The following TBCD variants were observed in gnomAD, a reference collection of about 807,000 sequenced individuals.
The protein encoded by TBCD is tubulin folding cofactor D, also known as tubulin-specific chaperone D.
In TBCD, 105 loss-of-function variants were observed where a neutral mutation model predicts 169.3. That is an observed-to-expected ratio of 0.62 (90% CI 0.53 to 0.73). The LOEUF (loss-of-function observed/expected upper bound fraction) is 0.73. Among genes scored for constraint, TBCD ranks in the 30% least tolerant of loss-of-function variants. The pLI is 0.00. For synonymous variants in TBCD, 700 were observed against 643.9 expected, an observed-to-expected ratio of 1.09 and a Z score of -1.32; for missense variants, 1,444 against 1,600.1, an observed-to-expected ratio of 0.90 and a Z score of 1.66.
At chr17:82,860,450 G>A (rs567185882) in intron 13 of TBCD, 13 of 985,418 alleles carry the variant, frequency 1.3e-5, no homozygotes, top group African/African-American at 7.0e-5. Context: ...AGGAACCACG[G>A]TGGGTTTCAT....
At chr17:82,766,079 C>A (rs991901111) in intron 3 of TBCD, among the ~76,000 whole-genome samples, 188 bp from the exon 4 acceptor site, 4 of 152,180 alleles carry the variant, frequency 2.6e-5, no homozygotes, top group African/African-American at 4.8e-5. Context: ...TGTGAGCCAT[C>A]GCTCTTGGCC....
In TBCD at chr17:82,874,993, C is replaced by T. The variant is rs563861642; in HGVS notation, c.1475+4613C>T. Among the ~76,000 whole-genome samples, 276 of 152,270 alleles carry T rather than the reference C, an allele frequency of 1.8e-3. 4 individuals carry two copies. The highest frequency in any genetic ancestry group is 2.6e-4 in the Non-Finnish European group (18 of 68,018). ...AATGGAAATGCCTGATCGAGCTGGG[C>T]GGTGGCAGCAGCCGCTCCTCACTCT... On this transcript the variant is annotated intron_variant, in intron 14 of 38. Transcript: ENST00000355528. The surrounding 1 kb of genome is among the most constrained non-coding windows in gnomAD (Gnocchi z 5.0).
At position 82,896,982 on chromosome 17, in the gene TBCD, C is replaced by T. The variant is rs374717582; in HGVS notation, c.1649+3350C>T. On this transcript the variant is annotated intron_variant, in intron 17 of 38. Transcript: ENST00000355528. ...TGGGGGTGTGGGAGCAGCTGACTAA[C>T]TCGTGTTCTAGTGACTGATGATGCA... Among the ~76,000 whole-genome samples the T allele has an allele frequency of 2.6e-5, 4 of 152,052 alleles. No individual in the cohort carries two copies. In the East Asian group the frequency reaches 7.7e-4, roughly 29 times the overall value.
intron 15 of TBCD, among the ~76,000 whole-genome samples, chr17:82,888,437 A>C (rs1275703057): frequency 6.6e-6 from 1 of 152,242 alleles, no homozygotes; most frequent in Non-Finnish European, 1.5e-5. Flanking sequence ...TCTTCCTAAT[A>C]GTGTATGTTA....
chr17:82,805,755 A>G (rs2050914459), intron 9 of TBCD, 120 bp from the exon 10 acceptor site: 1 of 1,238,248 alleles, frequency 8.1e-7, no homozygotes, highest in Non-Finnish European at 1.1e-6. Flanking sequence ...CGGTCTCTGC[A>G]AAGTGCATGG....
chr17:82,828,749 A>G (rs1020689234), intron 13 of TBCD, among the ~76,000 whole-genome samples: 1 of 130,292 alleles, frequency 7.7e-6, no homozygotes, highest in African/African-American at 2.6e-5. Flanking sequence ...ACACCCAGAG[A>G]TGCACACACA....
chr17:82,808,421 CGGGGGCAGT>C (rs2051149784), intron 11 of TBCD, among the ~76,000 whole-genome samples: 1 of 60,986 alleles, frequency 1.6e-5, no homozygotes, highest in African/African-American at 7.0e-5. Context: ...GAGGCAGGTG[CGGGGGCAGT>C]AGGTGTTGAG....
At chr17:82,792,361 A>G (rs991735037) in intron 7 of TBCD, among the ~76,000 whole-genome samples, 1 of 150,916 alleles carries the variant, frequency 6.6e-6, no homozygotes, top group Non-Finnish European at 1.5e-5. Flanking sequence ...ATGTGTGCAC[A>G]CACACACACA....
intron 13 of TBCD, among the ~76,000 whole-genome samples, chr17:82,823,922 C>G (rs774757764): frequency 6.6e-6 from 1 of 152,012 alleles, no homozygotes; most frequent in Non-Finnish European, 1.5e-5. Flanking sequence ...AGAAGTCACT[C>G]GCCCCTGATG....
chr17:82,843,718 A>G (rs2054752318), intron 13 of TBCD, among the ~76,000 whole-genome samples: 1 of 152,070 alleles, frequency 6.6e-6, no homozygotes, highest in East Asian at 1.9e-4. Context: ...TATTCTTATT[A>G]GTTTATGATT....
rs1239666576 is a variant in TBCD, at chr17:82,926,582, C to G, written c.2471+91C>G. ...GGGATGTTTTTGCTCAGAGGCAGGA[C>G]TTATGATTCTTCACTTCCTAGGTTT... On this transcript the variant is annotated intron_variant, in intron 28 of 38. Transcript: ENST00000355528. 5.7e-6 allele frequency: 6 copies of G among 1,059,948 alleles called. No individual in the cohort carries two copies. The East Asian group carries it at 1.3e-4, about 23-fold the overall frequency. The allele number at this position is 1,059,948 out of a possible 1,614,324, so 65.7% of individuals were successfully genotyped here. A position where few individuals can be genotyped will look rare whatever the true frequency, so the allele number is the denominator to read the frequency against.
chr17:82,781,537 G>A (rs983905193), intron 6 of TBCD, 52 bp from the exon 7 acceptor site: 38 of 1,603,532 alleles, frequency 2.4e-5, no homozygotes, highest in Non-Finnish European at 3.1e-5. Context: ...CTGGTGAGGC[G>A]TGGGCGAGGT....
rs933451552 is a variant in TBCD, at chr17:82,944,724, G to C, written c.*2261G>C. On this transcript the variant is annotated 3_prime_UTR_variant, in exon 39 of 39. Transcript: ENST00000355528. Reference sequence around the variant, plus strand: ...TTGTGTACCCACAAACACGTTCTAGGTGCTAACCAGAAACCCTCCATGTGA... The same window carrying C: ...TTGTGTACCCACAAACACGTTCTAGCTGCTAACCAGAAACCCTCCATGTGA... 1 of 152,176 alleles carries C rather than the reference G, an allele frequency of 6.6e-6. No individual in the cohort carries two copies. Among genetic ancestry groups the C allele is most frequent in the South Asian group, 2.1e-4 (1 of 4,830 alleles). 9.4% of individuals were successfully genotyped at this position (152,176 alleles called of 1,614,324 possible). A position where few individuals can be genotyped will look rare whatever the true frequency, so the allele number is the denominator to read the frequency against.
rs1336369381 is a variant in TBCD, at chr17:82,927,918, G to T, written c.2623G>T (p.Ala875Ser). The T allele has an allele frequency of 1.9e-6, 3 of 1,613,426 alleles. No homozygotes were observed. Among genetic ancestry groups the T allele is most frequent in the Non-Finnish European group, 1.7e-6 (2 of 1,179,732 alleles). Reference protein sequence around the residue: ...GDVGTWVRKAAMTSLMDLTLL... With the variant: ...GDVGTWVRKASMTSLMDLTLL... Reference sequence around the variant, plus strand: ...TTGTCCCATCAGGGTCCGCAAGGCCGCCATGACCAGTCTGATGGATCTGAC... The same window carrying T: ...TTGTCCCATCAGGGTCCGCAAGGCCTCCATGACCAGTCTGATGGATCTGAC... Residue 875 changes from alanine to serine, a missense_variant, in exon 30 of 39, where the codon GCC becomes TCC. By Grantham distance (99) the Ala-to-Ser change is moderately conservative. Transcript: ENST00000355528.
chr17:82,926,245 T>C (rs546670418), intron 27 of TBCD, among the ~76,000 whole-genome samples, 155 bp from the exon 28 acceptor site: 1 of 150,462 alleles, frequency 6.6e-6, no homozygotes, highest in South Asian at 2.1e-4. Context: ...TCCTGGGTTG[T>C]ACCAGGGGCC....
Position 82,907,145 on chromosome 17 carries a change from C to T in TBCD, c.1923-616C>T, listed in dbSNP as rs140729698. 2.8e-3 allele frequency among the ~76,000 whole-genome samples: 432 copies of T among 152,392 alleles called. 1 individual carries two copies. Among genetic ancestry groups the T allele is most frequent in the African/African-American group, 9.7e-3 (405 of 41,592 alleles). ...CAGGAAAGCAGGTGCCAGCGTAAAG[C>T]ACACGGTTTGCGCAGATTGAGCCAG... On this transcript the variant is annotated intron_variant, in intron 20 of 38. Transcript: ENST00000355528.
At chr17:82,815,248 G>A (rs2051786591) in intron 13 of TBCD, among the ~76,000 whole-genome samples, 1 of 152,210 alleles carries the variant, frequency 6.6e-6, no homozygotes, top group African/African-American at 2.4e-5. Flanking sequence ...TGTGTAGCTG[G>A]TTTTGGAGGG....
chr17:82,809,686 G>T, intron 11 of TBCD, 22 bp from the exon 12 acceptor site: 2 of 1,611,076 alleles, frequency 1.2e-6, no homozygotes, highest in South Asian at 2.2e-5. Context: ...GCCCCTGACG[G>T]ATTGCTGCGT....
At chr17:82,818,888 G>A (rs978395443) in intron 13 of TBCD, among the ~76,000 whole-genome samples, 1 of 152,192 alleles carries the variant, frequency 6.6e-6, no homozygotes, top group Non-Finnish European at 1.5e-5. Context: ...CCAACATGGT[G>A]AAACCCCGTC....
Sources: allele counts gnomAD v4.1 joint callset (sites outside exome capture counted in the v4.1 genomes callset), GRCh38; gene constraint gnomAD v4.1.1; non-coding constraint Gnocchi (gnomAD v3.1); transcripts MANE v1.5; gene names NCBI Gene and HGNC (gene_info 2026-07-23, HGNC 2026-07-21).